PDLIM3: variants seen among roughly 807,000 people sequenced by gnomAD.
The protein encoded by PDLIM3 is PDZ and LIM domain 3, also known as PDZ and LIM domain protein 3.
In PDLIM3, 36 loss-of-function variants were observed where a neutral mutation model predicts 37.3. That is an observed-to-expected ratio of 0.97 (90% CI 0.74 to 1.28). The LOEUF is 1.28. Ranked by LOEUF, PDLIM3 falls within the 50% of genes most tolerant of loss-of-function variation. PDLIM3 has a pLI of 0.00. For missense variants in PDLIM3, 454 were observed against 485.0 expected (o/e 0.94, Z 0.60); for synonymous variants, 174 against 182.4 (o/e 0.95, Z 0.37).
At chr4:185,533,542 C>T (rs2095748275) in intron 1 of PDLIM3, among the ~76,000 whole-genome samples, 1 of 152,034 alleles carries the variant, frequency 6.6e-6, no homozygotes, top group Admixed American at 6.6e-5. Flanking sequence ...AAGAGAAAAG[C>T]CATAATCAAG....
intron 2 of PDLIM3, 36 bp from the exon 3 acceptor site, chr4:185,523,482 T>G (rs753498300): frequency 7.8e-7 from 1 of 1,277,006 alleles, no homozygotes; most frequent in South Asian, 1.2e-5. Context: ...CTTCAAATTC[T>G]AATGGTACTT....
intron 1 of PDLIM3, among the ~76,000 whole-genome samples, chr4:185,534,771 G>A (rs1287387593): frequency 1.3e-5 from 2 of 152,234 alleles, no homozygotes; most frequent in Admixed American, 6.5e-5. Flanking sequence ...AAACTGAGGA[G>A]TGAGCATTAG....
At chr4:185,502,858 G>T (rs1580229953) in intron 7 of PDLIM3, among the ~76,000 whole-genome samples, 1 of 152,168 alleles carries the variant, frequency 6.6e-6, no homozygotes, top group Non-Finnish European at 1.5e-5. Context: ...GGGGGTGGTT[G>T]TCTACCCAAT....
chr4:185,534,983 G>A (rs1314177187), intron 1 of PDLIM3, among the ~76,000 whole-genome samples: 1 of 152,224 alleles, frequency 6.6e-6, no homozygotes, highest in African/African-American at 2.4e-5. Context: ...GGGCGATGGG[G>A]TGTGTTTTAT....
At chr4:185,510,344 G>A (rs1196348358) in intron 4 of PDLIM3, among the ~76,000 whole-genome samples, 3 of 152,126 alleles carry the variant, frequency 2.0e-5, no homozygotes, top group Non-Finnish European at 4.4e-5. Flanking sequence ...CCCGTACTGG[G>A]TAGATAAACA....
Position 185,504,437 on chromosome 4 carries a change from G to C in PDLIM3, c.905+38C>G. On this transcript the variant is annotated intron_variant, in intron 7 of 7. Coordinates refer to ENST00000284767, the MANE Select transcript of PDLIM3 (RefSeq NM_014476.6). This position sits in a 1 kb window ranked among gnomAD's most constrained non-coding sequence, Gnocchi z 4.7. Reference sequence around the variant, plus strand: ...AGGAGAAGAAATGAACTGTCGCCAAGCTGTATCGTAAATTCCAGGGTTAAA... The same window carrying C: ...AGGAGAAGAAATGAACTGTCGCCAACCTGTATCGTAAATTCCAGGGTTAAA... 6.7e-7 allele frequency: 1 copy of C among 1,501,974 alleles called. No individual in the cohort carries two copies. Among genetic ancestry groups the C allele is most frequent in the Non-Finnish European group, 9.3e-7 (1 of 1,079,038 alleles). The allele number at this position is 1,501,974 out of a possible 1,614,324, so 93.0% of individuals were successfully genotyped here.
At chr4:185,511,750 T>G (rs2095706919) in intron 4 of PDLIM3, among the ~76,000 whole-genome samples, 1 of 152,128 alleles carries the variant, frequency 6.6e-6, no homozygotes, top group Admixed American at 6.5e-5. Flanking sequence ...TTTGTATATT[T>G]CAAAATAACT....
chr4:185,512,237 A>G (rs1220240614), intron 4 of PDLIM3: 1 of 151,782 alleles, frequency 6.6e-6, no homozygotes, highest in Non-Finnish European at 1.5e-5. Flanking sequence ...GCCCGCCACC[A>G]TGCCCAGCTA....
intron 7 of PDLIM3, among the ~76,000 whole-genome samples, chr4:185,502,851 G>T (rs2095689377): frequency 6.6e-6 from 1 of 152,170 alleles, no homozygotes; most frequent in South Asian, 2.1e-4. Context: ...TTTTGACGGG[G>T]GTGGTTGTCT....
chr4:185,505,646 ATC>A (rs2095695663), intron 6 of PDLIM3, among the ~76,000 whole-genome samples: 1 of 151,672 alleles, frequency 6.6e-6, no homozygotes, highest in South Asian at 2.1e-4. Context: ...AAAATAAAGA[ATC>A]TGTTTGAGTC....
In PDLIM3 at chr4:185,514,112, T is replaced by G; in HGVS notation, c.398+158A>C. ...TTGGAAATGCAAGTTATTTGGCTTC[T>G]GTTCTCTGCCAAGTGAGTTTGTTTC... On this transcript the variant is annotated intron_variant, in intron 4 of 7. Coordinates refer to ENST00000284767, the MANE Select transcript of PDLIM3 (RefSeq NM_014476.6). The surrounding 1 kb of genome is among the most constrained non-coding windows in gnomAD (Gnocchi z 4.0). 1 of 1,522,414 alleles carries G rather than the reference T, an allele frequency of 6.6e-7. No homozygotes were observed. Among genetic ancestry groups the G allele is most frequent in the Non-Finnish European group, 8.8e-7 (1 of 1,136,982 alleles). 94.3% of individuals were successfully genotyped at this position (1,522,414 alleles called of 1,614,324 possible).
At chr4:185,515,779 T>A (rs1475323874) in intron 3 of PDLIM3, 1 of 152,174 alleles carries the variant, frequency 6.6e-6, no homozygotes, top group African/African-American at 2.4e-5. Flanking sequence ...GTTTTCCAGT[T>A]TTTGTACAGA....
chr4:185,526,378 A>G (rs2095734166), intron 1 of PDLIM3, among the ~76,000 whole-genome samples: 1 of 152,234 alleles, frequency 6.6e-6, no homozygotes. Context: ...ATCTAAACAC[A>G]TCACTTAAAA....
Position 185,502,326 on chromosome 4 carries a change from A to G in PDLIM3, c.1063T>C (p.Tyr355His), listed in dbSNP as rs1173227868. 1.2e-6 allele frequency: 2 copies of G among 1,614,124 alleles called. No individual in the cohort carries two copies. The highest frequency in any genetic ancestry group is 2.7e-5 in the African/African-American group (2 of 74,940). Residue 355 changes from tyrosine to histidine, a missense_variant, in exon 8 of 8, where the codon TAT (tyrosine) becomes CAT (histidine). Tyr to His is a moderately conservative substitution (Grantham distance 83). Transcript: ENST00000284767. Reference sequence around the variant, plus strand: ...TTGGGATACAGAGTGACCGTGTCATAGCCCTCTGGGGGCTTTGTGCGGGCT... The same window carrying G: ...TTGGGATACAGAGTGACCGTGTCATGGCCCTCTGGGGGCTTTGTGCGGGCT... ...ARARTKPPEGYDTVTLYPKA is the reference protein window; with the variant it reads ...ARARTKPPEGHDTVTLYPKA
rs188469036 is a variant in PDLIM3, at chr4:185,513,175, G to C, written c.398+1095C>G. The C allele has an allele frequency of 7.8e-4, 773 of 985,066 alleles. 2 individuals are homozygous for C. The highest frequency in any genetic ancestry group is 5.9e-3 in the African/African-American group (335 of 57,176). 61.0% of individuals were successfully genotyped at this position (985,066 alleles called of 1,614,324 possible). ...TGCAGACACTGAGCTCACGTTCTAG[G>C]GGGGGGAAGATGTGTTTGCTCATGG... On this transcript the variant is annotated intron_variant, in intron 4 of 7. Transcript: ENST00000284767.
At chr4:185,527,350 C>T (rs996678048) in intron 1 of PDLIM3, among the ~76,000 whole-genome samples, 13 of 152,158 alleles carry the variant, frequency 8.5e-5, no homozygotes, top group Non-Finnish European at 1.6e-4. Context: ...TATCTAATTG[C>T]GGTTCTAAGG....
chr4:185,506,977 T>TAG (rs1364399849), intron 5 of PDLIM3: 1 of 266,076 alleles, frequency 3.8e-6, no homozygotes, highest in African/African-American at 2.2e-5. Context: ...TACATAATGA[T>TAG]AGATGTGAAC....
At chr4:185,530,967 AACACACACACACACACACACATACACAC>A (rs1219612181) in intron 1 of PDLIM3, among the ~76,000 whole-genome samples, 2 of 51,418 alleles carry the variant, frequency 3.9e-5, no homozygotes, top group Admixed American at 2.6e-4. Context: ...CATGCATAGA[AACACACACACACACACACACATACACAC>A]ACACACACAC....
At chr4:185,528,451 T>C (rs1224008260) in intron 1 of PDLIM3, among the ~76,000 whole-genome samples, 3 of 152,252 alleles carry the variant, frequency 2.0e-5, no homozygotes, top group Non-Finnish European at 4.4e-5. Context: ...ACAATATTAA[T>C]ACTAAATAAT....
Sources: gnomAD v4.1 joint callset for allele counts (sites outside exome capture counted in the v4.1 genomes callset) on GRCh38, gnomAD v4.1.1 for gene constraint, Gnocchi (gnomAD v3.1) non-coding constraint, MANE v1.5 for transcripts, NCBI Gene and HGNC (gene_info 2026-07-23, HGNC 2026-07-21) for gene names.